Variants in CYP17A1 observed in about 807,000 individuals in gnomAD.
CYP17A1 encodes the protein cytochrome P450 family 17 subfamily A member 1.
In CYP17A1, 27 loss-of-function variants were observed where a neutral mutation model predicts 38.5. The ratio of observed to expected loss-of-function variants is 0.70; its 90% CI spans 0.52 to 0.97. CYP17A1 has a LOEUF of 0.97. Among genes scored for constraint, CYP17A1 ranks in the 50% least tolerant of loss-of-function variants. The pLI is 0.00. For synonymous variants in CYP17A1, 263 were observed against 253.3 expected, an observed-to-expected ratio of 1.04 and a Z score of -0.36; for missense variants, 549 against 645.9, an observed-to-expected ratio of 0.85 and a Z score of 1.63.
chr10:102,835,467 C>G, intron 1 of CYP17A1, 75 bp from the exon 2 acceptor site: 1 of 1,292,984 alleles, frequency 7.7e-7, no homozygotes, highest in Non-Finnish European at 1.1e-6. Context: ...CTGGTCCCTG[C>G]TTTCCTTCCT....
intron 6 of CYP17A1, among the ~76,000 whole-genome samples, chr10:102,832,206 T>C (rs915624642): frequency 3.9e-5 from 6 of 152,150 alleles, no homozygotes; most frequent in South Asian, 2.1e-4. Flanking sequence ...CCTGAGTAGC[T>C]GGGACTACAG....
chr10:102,836,852 C>G, intron 1 of CYP17A1: 2 of 596,066 alleles, frequency 3.4e-6, no homozygotes, highest in Non-Finnish European at 6.0e-6. Flanking sequence ...TCCTGGGCAG[C>G]CTGGTAGAGG....
In CYP17A1 at chr10:102,836,754, C is replaced by G. The variant is rs911809579; in HGVS notation, c.297+311G>C. 6.8e-6 allele frequency: 3 copies of G among 443,612 alleles called. No individual in the cohort carries two copies. The Admixed American group carries it at 1.0e-4, about 15-fold the overall frequency. 27.5% of individuals were successfully genotyped at this position (443,612 alleles called of 1,614,324 possible). ...GCTAAGTGCTGTACATGCACCTTCT[C>G]AGTCCATTAGAGAAGTCTAGGCTCA... On this transcript the variant is annotated intron_variant, in intron 1 of 7. Transcript: ENST00000369887.
rs534486384 is a variant in CYP17A1, at chr10:102,836,126, T to G, written c.298-734A>C. On this transcript the variant is annotated intron_variant, in intron 1 of 7. Transcript: ENST00000369887. ...TAGTTGGTCAGCAGACCTGGCTGAT[T>G]GGTCCAAGAAAAAATAAACCAACCC... Among the ~76,000 whole-genome samples the G allele has an allele frequency of 3.9e-5, 6 of 152,196 alleles. No individual in the cohort carries two copies. In the South Asian group the frequency reaches 1.2e-3, roughly 32 times the overall value.
At position 102,830,631 on chromosome 10, in the gene CYP17A1, G is replaced by A. The variant is rs1844073491; in HGVS notation, c.*71C>T. ...GAGTAGGGAAGAATGGCGGAGAAGG[G>A]TGGGGGGTTGTATCTCTAAATCTGT... is the stretch of plus-strand genomic sequence containing the variant. On this transcript the variant is annotated 3_prime_UTR_variant, in exon 8 of 8. Transcript: ENST00000369887. The surrounding 1 kb of genome is among the most constrained non-coding windows in gnomAD (Gnocchi z 4.1). 4.7e-6 allele frequency: 4 copies of A among 850,628 alleles called. No individual in the cohort carries two copies. Among genetic ancestry groups the A allele is most frequent in the Non-Finnish European group, 7.8e-6 (4 of 509,804 alleles). The allele number at this position is 850,628 out of a possible 1,614,324, so 52.7% of individuals were successfully genotyped here. A position where few individuals can be genotyped will look rare whatever the true frequency, so the allele number is the denominator to read the frequency against.
chr10:102,834,556 A>G, intron 3 of CYP17A1: 1 of 624,086 alleles, frequency 1.6e-6, no homozygotes. Flanking sequence ...GGTAATTGGA[A>G]AAGAAATGAA....
At chr10:102,831,719 C>A in intron 6 of CYP17A1, 108 bp from the exon 7 acceptor site, 1 of 1,538,444 alleles carries the variant, frequency 6.5e-7, no homozygotes, top group East Asian at 2.4e-5. Context: ...CCCTTTACTC[C>A]CTCATTCCCA....
intron 1 of CYP17A1, 134 bp from the exon 2 acceptor site, chr10:102,835,526 C>T: frequency 1.3e-6 from 1 of 792,040 alleles, no homozygotes; most frequent in Admixed American, 1.7e-5. Context: ...TGGGCACAGC[C>T]CCACTGCACT....
At chr10:102,831,782 C>A in intron 6 of CYP17A1, 171 bp from the exon 7 acceptor site, 1 of 1,234,744 alleles carries the variant, frequency 8.1e-7, no homozygotes, top group Non-Finnish European at 1.1e-6. Context: ...TCCAGCCCTT[C>A]TCCATCCCTT....
At chr10:102,836,148 A>G (rs1312405236) in intron 1 of CYP17A1, among the ~76,000 whole-genome samples, 1 of 151,734 alleles carries the variant, frequency 6.6e-6, no homozygotes, top group African/African-American at 2.4e-5. Flanking sequence ...AAATAAACCA[A>G]CCCTTGGCTT....
intron 1 of CYP17A1, chr10:102,836,763 A>C: frequency 4.4e-6 from 2 of 459,704 alleles, no homozygotes; most frequent in Non-Finnish European, 4.0e-6. Context: ...TCAGTCCATT[A>C]GAGAAGTCTA....
At chr10:102,831,867 G>A (rs376611199) in intron 6 of CYP17A1, among the ~76,000 whole-genome samples, 3 of 152,126 alleles carry the variant, frequency 2.0e-5, no homozygotes, top group South Asian at 2.1e-4. Flanking sequence ...GTGGGTGTGC[G>A]TTTGGAGCTG....
Position 102,830,747 on chromosome 10 carries a change from C to A in CYP17A1, c.1482G>T (p.Lys494Asn). The change falls in exon 8 of 8, where the codon AAG becomes AAT. Residue 494 changes from lysine (K) to asparagine (N), a missense_variant. Coordinates refer to ENST00000369887, the MANE Select transcript of CYP17A1 (RefSeq NM_000102.4). This position sits in a 1 kb window ranked among gnomAD's most constrained non-coding sequence, Gnocchi z 4.1. ...GGGCTTCCCTCCAGGCCTGGCGCAC[C>A]TTGATCTTCACTTTGAAAGAGTCGA... ...FLIDSFKVKI[K>N]VRQAWREAQA... is the part of the protein sequence containing the mutation. 1 of 1,603,920 alleles carries A rather than the reference C, an allele frequency of 6.2e-7. No individual in the cohort carries two copies.
intron 6 of CYP17A1, among the ~76,000 whole-genome samples, 159 bp downstream of exon 6, chr10:102,832,352 G>T (rs1007761071): frequency 6.6e-6 from 1 of 152,202 alleles, no homozygotes; most frequent in African/African-American, 2.4e-5. Context: ...GATGACAGGT[G>T]TGAGCCACCG....
At position 102,832,593 on chromosome 10, in the gene CYP17A1, G is replaced by T; in HGVS notation, c.1057C>A (p.Leu353Met). Residue 353 changes from leucine (L) to methionine (M), a missense_variant, in exon 6 of 8, where the codon CTG (leucine) becomes ATG (methionine). Around this residue, in one of 3 missense-constraint regions of CYP17A1, gnomAD observed 257 missense variants for 307.9 expected, o/e 0.83. Transcript: ENST00000369887. ...AGCACCTCTCGGATGGTGGCCTCCAGCAGGAGGAGACGGTTACGGTCACTG... is the reference window on the plus strand; with the variant it reads ...AGCACCTCTCGGATGGTGGCCTCCATCAGGAGGAGACGGTTACGGTCACTG... ...TISDRNRLLL[L>M]EATIREVLRL... is the part of the protein sequence containing the mutation. The T allele has an allele frequency of 6.2e-7, 1 of 1,607,022 alleles. No individual in the cohort carries two copies. The highest frequency in any genetic ancestry group is 8.5e-7 in the Non-Finnish European group (1 of 1,173,442).
chr10:102,832,188 C>T (rs1345043354), intron 6 of CYP17A1, among the ~76,000 whole-genome samples: 1 of 152,158 alleles, frequency 6.6e-6, no homozygotes. Flanking sequence ...ATTCTCCTGC[C>T]TCAGCCTCCT....
chr10:102,833,128 A>G lies in CYP17A1; in HGVS notation c.834T>C (p.Ala278=), dbSNP rs1278331699. The change falls in exon 5 of 8, where the codon GCT becomes GCC. Residue 278 remains alanine, a synonymous_variant. Transcript: ENST00000369887. ...GCAGCTCTGAGTCTTGATCTGGGCC[A>G]GCATTGCCATTATCTGAGTTCATCT... ...QAKMNSDNGN[A]GPDQDSELLS... 5.0e-6 allele frequency: 8 copies of G among 1,614,084 alleles called. No homozygotes were observed. Among genetic ancestry groups the G allele is most frequent in the Non-Finnish European group, 5.9e-6 (7 of 1,180,034 alleles).
chr10:102,835,985 C>T (rs887082928), intron 1 of CYP17A1, among the ~76,000 whole-genome samples: 1 of 152,198 alleles, frequency 6.6e-6, no homozygotes, highest in African/African-American at 2.4e-5. Flanking sequence ...AGGTGCCCCC[C>T]AAAGCAAAAG....
At chr10:102,835,134 T>A in intron 2 of CYP17A1, 120 bp from the exon 3 acceptor site, 1 of 1,111,460 alleles carries the variant, frequency 9.0e-7, no homozygotes, top group Non-Finnish European at 1.4e-6. Context: ...ATGGCAGCAG[T>A]AGCCAAGAAA....
Sources: gnomAD v4.1 joint callset for allele counts (sites outside exome capture counted in the v4.1 genomes callset) on GRCh38, gnomAD v4.1.1 for gene constraint, gnomAD v4.1.1 regional missense constraint, Gnocchi (gnomAD v3.1) non-coding constraint, MANE v1.5 for transcripts, NCBI Gene and HGNC (gene_info 2026-07-23, HGNC 2026-07-21) for gene names.